Variants in PAX5 observed in about 807,000 individuals in gnomAD.
PAX5 encodes the protein paired box 5.
Under a neutral mutation model 43.7 loss-of-function variants are expected in PAX5, and 9 were observed. The ratio of observed to expected loss-of-function variants is 0.21; its 90% CI spans 0.12 to 0.36. The LOEUF is 0.36. Ranked by LOEUF, PAX5 falls within the 10% of genes least tolerant of loss-of-function variation. PAX5 has a pLI of 1.00. For synonymous variants in PAX5, 228 were observed against 214.3 expected (o/e 1.06, Z -0.56); for missense variants, 383 against 532.7 (o/e 0.72, Z 2.77).
intron 8 of PAX5, among the ~76,000 whole-genome samples, chr9:36,866,537 C>T (rs757584204): frequency 1.3e-5 from 2 of 152,168 alleles, no homozygotes; most frequent in Non-Finnish European, 2.9e-5. Flanking sequence ...AAGAGCACAA[C>T]AAAAGTTGGG....
At chr9:36,984,940 C>A (rs1009035231) in intron 5 of PAX5, among the ~76,000 whole-genome samples, 1 of 152,214 alleles carries the variant, frequency 6.6e-6, no homozygotes, top group Non-Finnish European at 1.5e-5. Flanking sequence ...GGACCTGGGT[C>A]CCTCTTCCCT....
intron 6 of PAX5, among the ~76,000 whole-genome samples, chr9:36,936,394 A>G (rs1281151004): frequency 6.6e-6 from 1 of 152,212 alleles, no homozygotes; most frequent in Non-Finnish European, 1.5e-5. Flanking sequence ...AGTTCCAGGG[A>G]CAAAGCTCCA....
At chr9:37,009,274 A>G (rs1838734677) in intron 3 of PAX5, among the ~76,000 whole-genome samples, 1 of 152,210 alleles carries the variant, frequency 6.6e-6, no homozygotes, top group Admixed American at 6.5e-5. Flanking sequence ...CATCCCTCTT[A>G]CAATTTACCA....
Position 36,837,639 on chromosome 9 carries a change from C to G in PAX5, c.*2921G>C, listed in dbSNP as rs577081099. 2 of 233,302 alleles carry G rather than the reference C, an allele frequency of 8.6e-6. No homozygotes were observed. The highest frequency in any genetic ancestry group is 1.2e-4 in the East Asian group (2 of 16,594). The allele number at this position is 233,302 out of a possible 1,614,324, so 14.5% of individuals were successfully genotyped here. On this transcript the variant is annotated 3_prime_UTR_variant, in exon 10 of 10. Transcript: ENST00000358127. ...ACGAGGTGCTGTGAATTGGTGAGAGCGGGCGTGTGTGTGTGAGAACATCCG... is the reference window on the plus strand; with the variant it reads ...ACGAGGTGCTGTGAATTGGTGAGAGGGGGCGTGTGTGTGTGAGAACATCCG...
At chr9:37,019,693 A>T (rs189834786) in intron 2 of PAX5, among the ~76,000 whole-genome samples, 527 of 152,254 alleles carry the variant, frequency 3.5e-3, no homozygotes, top group Non-Finnish European at 5.4e-3. Flanking sequence ...TTGTTTTCTG[A>T]CCCGGGAAAA....
At position 36,837,164 on chromosome 9, in the gene PAX5, G is replaced by A. The variant is rs1244009748; in HGVS notation, c.*3396C>T. On this transcript the variant is annotated 3_prime_UTR_variant, in exon 10 of 10. Coordinates refer to ENST00000358127, the MANE Select transcript of PAX5 (RefSeq NM_016734.3). ...GCACAACTCGGTGGAGAGAGAATGG[G>A]GCCTGGAGATCTGAGAATTCACTTC... 3.0e-5 allele frequency: 7 copies of A among 233,044 alleles called. No individual in the cohort carries two copies. The highest frequency in any genetic ancestry group is 5.1e-5 in the Non-Finnish European group (6 of 117,956). The allele number at this position is 233,044 out of a possible 1,614,324, so 14.4% of individuals were successfully genotyped here.
chr9:37,001,778 T>C (rs1411065), intron 5 of PAX5, among the ~76,000 whole-genome samples: 149,401 of 150,214 alleles, frequency 0.99, 74,306 homozygotes, highest in East Asian at 1. Context: ...ATTTCTGTCA[T>C]GCTGCTCTCA....
chr9:37,021,720 T>C (rs1227236149), intron 1 of PAX5, among the ~76,000 whole-genome samples: 1 of 152,142 alleles, frequency 6.6e-6, no homozygotes. Context: ...ACACAAGGAC[T>C]CAAGTAAATG....
Position 37,034,168 on chromosome 9 carries a change from C to T in PAX5, c.-137G>A, listed in dbSNP as rs1431833336. Reference sequence around the variant, plus strand: ...CACAGGTCGGAATAATTCAAGCCTTCCGCTCCCCCGCCGAGCTGGGGTAGC... The same window carrying T: ...CACAGGTCGGAATAATTCAAGCCTTTCGCTCCCCCGCCGAGCTGGGGTAGC... On this transcript the variant is annotated 5_prime_UTR_variant, in exon 1 of 10. Coordinates refer to ENST00000358127, the MANE Select transcript of PAX5 (RefSeq NM_016734.3). 1.7e-6 allele frequency: 1 copy of T among 599,690 alleles called. No homozygotes were observed. Among genetic ancestry groups the T allele is most frequent in the Non-Finnish European group, 2.8e-6 (1 of 354,708 alleles). The allele number at this position is 599,690 out of a possible 1,614,324, so 37.1% of individuals were successfully genotyped here.
At chr9:36,971,266 C>T (rs73648180) in intron 5 of PAX5, among the ~76,000 whole-genome samples, 2,076 of 152,350 alleles carry the variant, frequency 0.014, 41 homozygotes, top group African/African-American at 0.045. Flanking sequence ...TAAGAGGGGA[C>T]CCTCTGTCCT....
chr9:36,848,330 C>A (rs377253663), intron 8 of PAX5, among the ~76,000 whole-genome samples: 1 of 118,056 alleles, frequency 8.5e-6, no homozygotes, highest in African/African-American at 3.3e-5. Flanking sequence ...CCGCACCTCA[C>A]AACCACAGGC....
At chr9:36,901,565 G>A (rs983677673) in intron 7 of PAX5, among the ~76,000 whole-genome samples, 2 of 152,208 alleles carry the variant, frequency 1.3e-5, no homozygotes, top group Non-Finnish European at 2.9e-5. Flanking sequence ...TGAGGAGAGT[G>A]TTAGCCTCAC....
intron 5 of PAX5, among the ~76,000 whole-genome samples, chr9:36,980,255 G>A (rs1268943533): frequency 6.6e-6 from 1 of 152,250 alleles, no homozygotes; most frequent in Non-Finnish European, 1.5e-5. Flanking sequence ...GAGGAGGCCA[G>A]GGCAATGACA....
intron 5 of PAX5, among the ~76,000 whole-genome samples, chr9:36,977,756 A>C (rs1262065188): frequency 6.6e-6 from 1 of 152,172 alleles, no homozygotes; most frequent in Non-Finnish European, 1.5e-5. Flanking sequence ...GGCCTCCCAA[A>C]GTGCTGGGAT....
rs1821612302 is a variant in PAX5 at position 36,835,914 on chromosome 9, C to G, written c.*4646G>C. On this transcript the variant is annotated 3_prime_UTR_variant, in exon 10 of 10. Coordinates refer to ENST00000358127, the MANE Select transcript of PAX5 (RefSeq NM_016734.3). Reference sequence around the variant, plus strand: ...TTTCCACCCTCCCGGGAAGCTGTATCTTAGACTCCCCTCCTGGGAAGCTGT... The same window carrying G: ...TTTCCACCCTCCCGGGAAGCTGTATGTTAGACTCCCCTCCTGGGAAGCTGT... 4 of 233,370 alleles carry G rather than the reference C, an allele frequency of 1.7e-5. No homozygotes were observed. The South Asian group carries it at 7.2e-4, about 42-fold the overall frequency. 14.5% of individuals were successfully genotyped at this position (233,370 alleles called of 1,614,324 possible). A position where few individuals can be genotyped will look rare whatever the true frequency, so the allele number is the denominator to read the frequency against.
Position 37,006,530 on chromosome 9 carries a change from G to A in PAX5, c.418C>T (p.Arg140Trp), listed in dbSNP as rs1354475456. Residue 140 changes from arginine to tryptophan, a missense_variant, in exon 4 of 10, where the codon CGG becomes TGG. Arg to Trp is a moderately radical substitution (Grantham distance 101). This residue lies in a region of PAX5 where 1 missense variants were observed against 19.4 expected (regional missense o/e 0.05). Coordinates refer to ENST00000358127, the MANE Select transcript of PAX5 (RefSeq NM_016734.3). The stretch of plus-strand genomic sequence containing the variant: ...TTGGGTGGCTGCTGTACTTTTGTCC[G>A]GATGATCCTGTGGGCAGTTGAAAAA... ...PSVSSINRIIRTKVQQPPNQP... is the reference protein window; with the variant it reads ...PSVSSINRIIWTKVQQPPNQP... The A allele has an allele frequency of 6.2e-7, 1 of 1,613,838 alleles. No homozygotes were observed. Among genetic ancestry groups the A allele is most frequent in the Non-Finnish European group, 8.5e-7 (1 of 1,179,890 alleles).
At position 36,876,195 on chromosome 9, in the gene PAX5, G is replaced by A. The variant is rs1825898713; in HGVS notation, c.1012+5809C>T. 3.3e-5 allele frequency among the ~76,000 whole-genome samples: 5 copies of A among 152,156 alleles called. No homozygotes were observed. In the South Asian group the frequency reaches 1.0e-3, roughly 32 times the overall value. On this transcript the variant is annotated intron_variant, in intron 8 of 9. Transcript: ENST00000358127. ...GACCCTGTGCCTTCCCGGCCCACAA[G>A]GCTGCGCCCACCTCTCCTCTGGCCT...
chr9:36,897,858 G>C (rs1587907392), intron 7 of PAX5, among the ~76,000 whole-genome samples: 1 of 152,134 alleles, frequency 6.6e-6, no homozygotes, highest in Non-Finnish European at 1.5e-5. Context: ...CATCTTCTTG[G>C]GCTCTGCAGA....
intron 9 of PAX5, among the ~76,000 whole-genome samples, chr9:36,841,207 G>A (rs73451132): frequency 0.016 from 2,429 of 152,342 alleles, 65 homozygotes; most frequent in African/African-American, 0.056. Context: ...TGCTTAAGCT[G>A]GATGAAACTC....
Sources: allele counts gnomAD v4.1 joint callset (sites outside exome capture counted in the v4.1 genomes callset), GRCh38; gene constraint gnomAD v4.1.1; regional missense constraint gnomAD v4.1.1; transcripts MANE v1.5; gene names NCBI Gene and HGNC (gene_info 2026-07-23, HGNC 2026-07-21).